Variants in PPP4R2 observed in about 807,000 individuals in gnomAD.
PPP4R2 encodes serine/threonine-protein phosphatase 4 regulatory subunit 2.
Under a neutral mutation model 47.2 loss-of-function variants are expected in PPP4R2, and 13 were observed. That is an observed-to-expected ratio of 0.28 (90% CI 0.18 to 0.44). The LOEUF (loss-of-function observed/expected upper bound fraction) is 0.44. Ranked by LOEUF, PPP4R2 falls within the 20% of genes least tolerant of loss-of-function variation. The pLI is 1.00. For missense variants in PPP4R2, 421 were observed against 491.2 expected (o/e 0.86, Z 1.35); for synonymous variants, 151 against 163.3 (o/e 0.92, Z 0.57).
rs116614126 is a variant in PPP4R2, at chr3:73,006,859, C to T, written c.116+8701C>T. Among the ~76,000 whole-genome samples, 954 of 152,312 alleles carry T rather than the reference C, an allele frequency of 6.3e-3. 10 individuals are homozygous for T. Among genetic ancestry groups the T allele is most frequent in the Non-Finnish European group, 0.011 (727 of 68,032 alleles). On this transcript the variant is annotated intron_variant, in intron 2 of 8. Coordinates refer to ENST00000356692, the MANE Select transcript of PPP4R2 (RefSeq NM_174907.4). ...TTTTATGATTCTCCTGTTCCTAGGC[C>T]TTTGAAATACACCTTGACTTCTCTC...
At chr3:73,030,521 G>C (rs1288425689) in intron 2 of PPP4R2, among the ~76,000 whole-genome samples, 1 of 152,076 alleles carries the variant, frequency 6.6e-6, no homozygotes. Context: ...AGCATTTGTA[G>C]CGTACTCAAG....
intron 4 of PPP4R2, 76 bp downstream of exon 4, chr3:73,059,206 A>C: frequency 1.4e-6 from 1 of 726,872 alleles, no homozygotes; most frequent in Admixed American, 3.1e-5. Context: ...ATTGAGTAAG[A>C]TCTGTTTCGG....
At chr3:73,020,672 T>TTTAAAA (rs59905202) in intron 2 of PPP4R2, among the ~76,000 whole-genome samples, 7 of 133,224 alleles carry the variant, frequency 5.3e-5, no homozygotes, top group South Asian at 2.5e-4. Flanking sequence ...CCTGTCTCTT[T>TTTAAAA]AAAAAAAAAA....
At chr3:73,005,405 T>A (rs1248349952) in intron 2 of PPP4R2, among the ~76,000 whole-genome samples, 1 of 152,072 alleles carries the variant, frequency 6.6e-6, no homozygotes, top group African/African-American at 2.4e-5. Flanking sequence ...ATTTTTAAAT[T>A]TTTAAAAAAT....
At chr3:73,020,432 C>T (rs1044669847) in intron 2 of PPP4R2, among the ~76,000 whole-genome samples, 6 of 152,102 alleles carry the variant, frequency 3.9e-5, no homozygotes, top group Non-Finnish European at 7.4e-5. Flanking sequence ...GAGGCAGAGT[C>T]AGGCGGATCG....
intron 2 of PPP4R2, among the ~76,000 whole-genome samples, chr3:73,021,770 G>A (rs914596558): frequency 2.6e-5 from 4 of 151,854 alleles, no homozygotes; most frequent in African/African-American, 7.3e-5. Context: ...TAGGTATTGC[G>A]GGTGCTGTGG....
At chr3:73,063,795 T>G in intron 6 of PPP4R2, 48 bp downstream of exon 6, 1 of 1,318,264 alleles carries the variant, frequency 7.6e-7, no homozygotes, top group Non-Finnish European at 1.1e-6. Flanking sequence ...TTGTCCTGAT[T>G]TTGAGTAGCA....
chr3:73,020,672 T>TTAAAAAAA lies in PPP4R2; in HGVS notation c.116+22514_116+22515insTAAAAAAA, dbSNP rs59905202. Among the ~76,000 whole-genome samples the TTAAAAAAA allele has an allele frequency of 1.3e-3, 167 of 133,208 alleles. 1 individual carries two copies. The South Asian group carries it at 0.021, about 17-fold the overall frequency. 87.4% of individuals were successfully genotyped at this position (133,208 alleles called of 152,430 possible). A position where few individuals can be genotyped will look rare whatever the true frequency, so the allele number is the denominator to read the frequency against. On this transcript the variant is annotated intron_variant, in intron 2 of 8. Transcript: ENST00000356692. ...GCCACAGAGTGAGACCCTGTCTCTTTAAAAAAAAAAAAAAAAAAAGTTAAA... is the reference window on the plus strand; with the variant it reads ...GCCACAGAGTGAGACCCTGTCTCTTTTAAAAAAAAAAAAAAAAAAAAAAAAAAGTTAAA...
chr3:73,014,519 A>G (rs1247703919), intron 2 of PPP4R2, among the ~76,000 whole-genome samples: 2 of 151,134 alleles, frequency 1.3e-5, no homozygotes, highest in Non-Finnish European at 3.0e-5. Flanking sequence ...CTCAACTGAG[A>G]ATTGCTGAAC....
intron 3 of PPP4R2, among the ~76,000 whole-genome samples, chr3:73,051,076 G>T (rs961425007): frequency 6.6e-6 from 1 of 152,022 alleles, no homozygotes; most frequent in Admixed American, 6.5e-5. Context: ...CACCACACCC[G>T]GCTAATTTTT....
intron 2 of PPP4R2, among the ~76,000 whole-genome samples, chr3:73,032,395 TC>T (rs1559556969): frequency 6.6e-6 from 1 of 151,692 alleles, no homozygotes; most frequent in East Asian, 1.9e-4. Context: ...TTCAAGCGAT[TC>T]TCCTGCCTCA....
chr3:73,039,640 T>C lies in PPP4R2; in HGVS notation c.117-7546T>C, dbSNP rs531546043. On this transcript the variant is annotated intron_variant, in intron 2 of 8. Transcript: ENST00000356692. ...TAATGTTGGGAGACATTTATGGTTG[T>C]CACAACTGGAGTGGGTGGTGTGCTG... Among the ~76,000 whole-genome samples the C allele has an allele frequency of 6.6e-5, 10 of 152,326 alleles. No homozygotes were observed. In the South Asian group the frequency reaches 1.4e-3, roughly 22 times the overall value.
At chr3:73,020,388 T>C (rs1245420782) in intron 2 of PPP4R2, among the ~76,000 whole-genome samples, 2 of 151,922 alleles carry the variant, frequency 1.3e-5, no homozygotes, top group Non-Finnish European at 2.9e-5. Context: ...CCAGTTGTGG[T>C]GGGTGGCTCA....
chr3:73,060,270 G>A (rs900433271), intron 4 of PPP4R2, among the ~76,000 whole-genome samples: 1 of 152,192 alleles, frequency 6.6e-6, no homozygotes, highest in Non-Finnish European at 1.5e-5. Flanking sequence ...CCAAAGGCCA[G>A]GAAACTGAGA....
chr3:73,016,755 A>T (rs1443214636), intron 2 of PPP4R2, among the ~76,000 whole-genome samples: 60 of 87,648 alleles, frequency 6.8e-4, no homozygotes, highest in African/African-American at 9.7e-4. Context: ...TTTTTTTTTT[A>T]ATACAGAGTC....
intron 2 of PPP4R2, among the ~76,000 whole-genome samples, chr3:73,016,921 G>A (rs1701852376): frequency 6.7e-6 from 1 of 149,390 alleles, no homozygotes; most frequent in South Asian, 2.2e-4. Context: ...CCACCTCCCG[G>A]GTTCAAGAGA....
rs1240192878 is a variant in PPP4R2 at position 73,066,352 on chromosome 3, T to G, written c.*630T>G. On this transcript the variant is annotated 3_prime_UTR_variant, in exon 9 of 9. Transcript: ENST00000356692. ...TCTATTGGTAATGATTGAGTTCACC[T>G]CTTTCAGAAGACATTTTCTTTCTCT... The G allele has an allele frequency of 6.6e-6, 1 of 151,634 alleles. No individual in the cohort carries two copies. Among genetic ancestry groups the G allele is most frequent in the East Asian group, 1.9e-4 (1 of 5,162 alleles). 9.4% of individuals were successfully genotyped at this position (151,634 alleles called of 1,614,324 possible).
At chr3:73,006,339 C>T (rs1199900993) in intron 2 of PPP4R2, among the ~76,000 whole-genome samples, 1 of 151,844 alleles carries the variant, frequency 6.6e-6, no homozygotes, top group East Asian at 1.9e-4. Context: ...GCTGGGGCCA[C>T]AGGCGCGCGC....
chr3:73,048,120 C>G (rs1230392617), intron 3 of PPP4R2, among the ~76,000 whole-genome samples: 1 of 152,240 alleles, frequency 6.6e-6, no homozygotes, highest in Non-Finnish European at 1.5e-5. Context: ...CATGATCCGC[C>G]TGCCTCGGCC....
Sources: allele counts gnomAD v4.1 joint callset (sites outside exome capture counted in the v4.1 genomes callset), GRCh38; gene constraint gnomAD v4.1.1; transcripts MANE v1.5; gene names NCBI Gene and HGNC (gene_info 2026-07-23, HGNC 2026-07-21).